FRY: variants seen among roughly 807,000 people sequenced by gnomAD.
FRY encodes the protein FRY microtubule binding protein.
Under a neutral mutation model 348.4 loss-of-function variants are expected in FRY, and 128 were observed. The ratio of observed to expected loss-of-function variants is 0.37; its 90% CI spans 0.32 to 0.43. The LOEUF (loss-of-function observed/expected upper bound fraction) is 0.43. FRY is among the 20% of genes least tolerant of loss of function. The pLI, the probability that FRY is intolerant of heterozygous loss-of-function variation, is 1.00. For missense variants in FRY, 2,736 were observed against 3,695.2 expected (o/e 0.74, Z 6.73); for synonymous variants, 1,370 against 1,374.7 (o/e 1.00, Z 0.08).
At position 32,263,236 on chromosome 13, in the gene FRY, G is replaced by T. The variant is rs991227179; in HGVS notation, c.7779+761G>T. On this transcript the variant is annotated intron_variant, in intron 53 of 60. Transcript: ENST00000542859. ...ACTGTCTATCATGAGTTTGGTTATG[G>T]TTGTGCAAGTTCAAAAGAAAAAATA... Among the ~76,000 whole-genome samples, 6 of 152,238 alleles carry T rather than the reference G, an allele frequency of 3.9e-5. 1 individual carries two copies. The South Asian group carries it at 1.2e-3, about 32-fold the overall frequency.
At chr13:32,130,083 CAG>C (rs1034906661) in intron 7 of FRY, among the ~76,000 whole-genome samples, 2 of 131,386 alleles carry the variant, frequency 1.5e-5, no homozygotes, top group African/African-American at 2.9e-5. Flanking sequence ...TCCGGTGAGA[CAG>C]AGTCTTACTC....
At chr13:32,252,026 C>A in intron 50 of FRY, 74 bp downstream of exon 50, 3 of 1,031,412 alleles carry the variant, frequency 2.9e-6, no homozygotes, top group Non-Finnish European at 3.1e-6. Context: ...TGCCTTTGGT[C>A]ATATAATTTA....
chr13:32,252,329 A>G (rs1038411864), intron 50 of FRY, among the ~76,000 whole-genome samples: 2 of 152,268 alleles, frequency 1.3e-5, no homozygotes, highest in African/African-American at 4.8e-5. Flanking sequence ...CTCTCTGTAC[A>G]CACGCTTCTT....
At chr13:32,233,931 T>G (rs1012777351) in intron 41 of FRY, among the ~76,000 whole-genome samples, 2 of 152,168 alleles carry the variant, frequency 1.3e-5, no homozygotes, top group Non-Finnish European at 2.9e-5. Flanking sequence ...AGGACCATCT[T>G]GTTCCAAAGC....
rs962613563 is a variant in FRY, at chr13:32,295,435, C to A, written c.9017C>A (p.Ser3006Tyr). The stretch of plus-strand genomic sequence containing the variant: ...GTCCTCACTACTTTTCTTCCAGACT[C>A]CAGTGTTTCTGGCACTAGTCTCTGA... ...YRVLTTFLPD[S>Y]SVSGTSL is the part of the protein sequence containing the mutation. The change falls in exon 61 of 61, where the codon TCC becomes TAC. Residue 3006 changes from serine (S) to tyrosine (Y), a missense_variant. By Grantham distance (144) the Ser-to-Tyr change is moderately radical. Around this residue, in one of 9 missense-constraint regions of FRY, gnomAD observed 157 missense variants for 215.2 expected, o/e 0.73. Transcript: ENST00000542859. The A allele has an allele frequency of 1.2e-6, 2 of 1,611,758 alleles. No individual in the cohort carries two copies. The highest frequency in any genetic ancestry group is 8.5e-7 in the Non-Finnish European group (1 of 1,179,970).
chr13:32,237,303 C>T lies in FRY; in HGVS notation c.5811-76C>T, dbSNP rs1438814170. On this transcript the variant is annotated intron_variant, in intron 43 of 60. Transcript: ENST00000542859. The surrounding 1 kb of genome is among the most constrained non-coding windows in gnomAD (Gnocchi z 6.3). ...GAATGATTTCCCTCCTGCAGTGTTT[C>T]TCAGTGGACTTGAAAGGACTGGCTT... The T allele has an allele frequency of 2.8e-6, 4 of 1,403,514 alleles. No homozygotes were observed. The highest frequency in any genetic ancestry group is 2.8e-5 in the African/African-American group (2 of 71,028). 86.9% of individuals were successfully genotyped at this position (1,403,514 alleles called of 1,614,324 possible). A position where few individuals can be genotyped will look rare whatever the true frequency, so the allele number is the denominator to read the frequency against.
At chr13:32,108,462 A>G (rs1172650590) in intron 3 of FRY, among the ~76,000 whole-genome samples, 1 of 152,232 alleles carries the variant, frequency 6.6e-6, no homozygotes, top group African/African-American at 2.4e-5. Context: ...GTTGATGCAG[A>G]AGGCATGTAT....
At chr13:32,268,586 T>G (rs952972717) in intron 55 of FRY, among the ~76,000 whole-genome samples, 5 of 144,792 alleles carry the variant, frequency 3.5e-5, no homozygotes, top group African/African-American at 1.3e-4. Flanking sequence ...ATAATGAAAA[T>G]TATACACCAG....
chr13:32,156,530 G>C (rs1881124073), intron 15 of FRY, among the ~76,000 whole-genome samples: 1 of 149,954 alleles, frequency 6.7e-6, no homozygotes, highest in Non-Finnish European at 1.5e-5. Context: ...GAACCCAGGA[G>C]ACGGAGGTTG....
chr13:32,174,892 A>C (rs909402253), intron 19 of FRY, among the ~76,000 whole-genome samples: 5 of 152,142 alleles, frequency 3.3e-5, no homozygotes, highest in African/African-American at 1.2e-4. Flanking sequence ...CATTCATTAC[A>C]TATATTTTGT....
intron 35 of FRY, among the ~76,000 whole-genome samples, chr13:32,215,292 A>C (rs1003322832): frequency 6.6e-6 from 1 of 152,210 alleles, no homozygotes; most frequent in Non-Finnish European, 1.5e-5. Context: ...TGTTCCTAGC[A>C]TAAAGAAAAA....
chr13:32,196,434 T>G (rs955867823), intron 29 of FRY, among the ~76,000 whole-genome samples: 10 of 152,220 alleles, frequency 6.6e-5, no homozygotes, highest in African/African-American at 2.4e-4. Flanking sequence ...TTAAATTTTC[T>G]ACTTTAGCTT....
chr13:32,284,114 A>G (rs1888940530), intron 58 of FRY, among the ~76,000 whole-genome samples: 1 of 152,224 alleles, frequency 6.6e-6, no homozygotes, highest in South Asian at 2.1e-4. Context: ...ATGTTTCCAT[A>G]TGATGTATTG....
chr13:32,240,276 A>G (rs1310854264), intron 46 of FRY, among the ~76,000 whole-genome samples: 1 of 151,930 alleles, frequency 6.6e-6, no homozygotes, highest in Non-Finnish European at 1.5e-5. Context: ...CAGCCTTTAA[A>G]CCTAGATATA....
chr13:32,295,227 G>A lies in FRY; in HGVS notation c.8809G>A (p.Gly2937Arg), dbSNP rs1157841327. 1.9e-6 allele frequency: 3 copies of A among 1,613,830 alleles called. No homozygotes were observed. The highest frequency in any genetic ancestry group is 2.2e-5 in the South Asian group (2 of 91,076). Reference protein sequence around the residue: ...CRSLWPNDIFGSSSDDEVQTL... With the variant: ...CRSLWPNDIFRSSSDDEVQTL... ...AAGTCTGTGGCCCAATGACATCTTT[G>A]GAAGCAGTTCTGATGATGAGGTCCA... The change falls in exon 61 of 61, where the codon GGA becomes AGA. Residue 2937 changes from glycine (G) to arginine (R), a missense_variant. Around this residue, in one of 9 missense-constraint regions of FRY, gnomAD observed 157 missense variants for 215.2 expected, o/e 0.73. Transcript: ENST00000542859.
At chr13:32,085,229 G>T (rs949155073) in intron 2 of FRY, among the ~76,000 whole-genome samples, 23 of 152,092 alleles carry the variant, frequency 1.5e-4, no homozygotes, top group African/African-American at 5.6e-4. Flanking sequence ...ACTGACTCCA[G>T]CAACGGGTGA....
At chr13:32,032,678 C>T (rs1303656913) in intron 1 of FRY, among the ~76,000 whole-genome samples, 2 of 152,122 alleles carry the variant, frequency 1.3e-5, no homozygotes, top group Non-Finnish European at 2.9e-5. Flanking sequence ...TAAAATGAGG[C>T]CTTCAGGTGA....
At chr13:32,286,596 A>G (rs979283885) in intron 58 of FRY, among the ~76,000 whole-genome samples, 2 of 151,738 alleles carry the variant, frequency 1.3e-5, no homozygotes, top group Non-Finnish European at 2.9e-5. Flanking sequence ...ATACAAAAGC[A>G]TTAGCTGGGC....
chr13:32,136,882 C>A lies in FRY; in HGVS notation c.1089C>A (p.Pro363=), dbSNP rs1160135206. 6.3e-7 allele frequency: 1 copy of A among 1,593,826 alleles called. No individual in the cohort carries two copies. Among genetic ancestry groups the A allele is most frequent in the African/African-American group, 1.3e-5 (1 of 74,618 alleles). The part of the protein sequence containing the change: ...SRKKHSLALY[P]LVTCLLCVSQ... Reference sequence around the variant, plus strand: ...TCCTTTCTCCTCAGGCCTTGTACCCCCTGGTGACCTGTTTGCTCTGTGTCA... The same window carrying A: ...TCCTTTCTCCTCAGGCCTTGTACCCACTGGTGACCTGTTTGCTCTGTGTCA... Residue 363 remains proline (P), a synonymous_variant, in exon 11 of 61, where the codon CCC becomes CCA. Coordinates refer to ENST00000542859, the MANE Select transcript of FRY (RefSeq NM_023037.3).
Sources: gnomAD v4.1 joint callset for allele counts (sites outside exome capture counted in the v4.1 genomes callset) on GRCh38, gnomAD v4.1.1 for gene constraint, gnomAD v4.1.1 regional missense constraint, Gnocchi (gnomAD v3.1) non-coding constraint, MANE v1.5 for transcripts, NCBI Gene and HGNC (gene_info 2026-07-23, HGNC 2026-07-21) for gene names.